The following PDK1 variants were observed in gnomAD, a reference collection of about 807,000 sequenced individuals.
PDK1 encodes the protein pyruvate dehydrogenase kinase 1, also known as [Pyruvate dehydrogenase (acetyl-transferring)] kinase isozyme 1, mitochondrial.
Under a neutral mutation model 54.2 loss-of-function variants are expected in PDK1, and 39 were observed. That is an observed-to-expected ratio of 0.72 (90% CI 0.56 to 0.94). The LOEUF (loss-of-function observed/expected upper bound fraction) is 0.94, where lower values mean the gene tolerates loss of function less well. PDK1 is among the 40% of genes least tolerant of loss of function. The pLI, the probability that PDK1 is intolerant of heterozygous loss-of-function variation, is 0.00. For synonymous variants in PDK1, 221 were observed against 207.1 expected (o/e 1.07, Z -0.58); for missense variants, 552 against 566.0 (o/e 0.98, Z 0.25).
the PDK1 span, among the ~76,000 whole-genome samples, chr2:172,710,655 T>G: frequency 9.2e-5 from 14 of 152,222 alleles, no homozygotes; most frequent in Non-Finnish European, 1.9e-4. Context: ...AATTAAGAAA[T>G]TCATGTTTTC....
At chr2:172,656,666 T>C in the PDK1 span, among the ~76,000 whole-genome samples, 2 of 152,170 alleles carry the variant, frequency 1.3e-5, no homozygotes, top group African/African-American at 4.8e-5. Context: ...CCCAGCACTT[T>C]GGGAGGCTGA....
chr2:172,686,819 C>A, the PDK1 span, among the ~76,000 whole-genome samples: 4 of 152,146 alleles, frequency 2.6e-5, no homozygotes, highest in African/African-American at 9.7e-5. Flanking sequence ...TGATCTAAAT[C>A]CATTTATGTG....
the PDK1 span, among the ~76,000 whole-genome samples, chr2:172,642,446 G>A: frequency 6.6e-6 from 1 of 152,098 alleles, no homozygotes; most frequent in Non-Finnish European, 1.5e-5. Flanking sequence ...TTTTCAAAGT[G>A]GTGTCCCCAG....
At chr2:172,699,713 A>C in the PDK1 span, among the ~76,000 whole-genome samples, 1 of 150,696 alleles carries the variant, frequency 6.6e-6, no homozygotes, top group Non-Finnish European at 1.5e-5. Flanking sequence ...CTATTTCAGA[A>C]GAACTAAATG....
chr2:172,674,810 C>G, the PDK1 span: 2 of 152,280 alleles, frequency 1.3e-5, no homozygotes, highest in Non-Finnish European at 2.9e-5. Flanking sequence ...GGGCTGCAGG[C>G]TGCCGGGCCG....
the PDK1 span, among the ~76,000 whole-genome samples, chr2:172,638,711 G>A: frequency 8.1e-5 from 12 of 148,346 alleles, no homozygotes; most frequent in African/African-American, 1.5e-4. Context: ...GTTTGTAAAC[G>A]CACCAATCAA....
At chr2:172,648,666 T>C in the PDK1 span, among the ~76,000 whole-genome samples, 2 of 152,228 alleles carry the variant, frequency 1.3e-5, no homozygotes, top group Middle Eastern at 3.4e-3. Context: ...CCTTAGCAAA[T>C]GGTGCACCAG....
chr2:172,556,102 C>T lies in PDK1; in HGVS notation c.-49C>T. ...TCCCTCACGTACCACTCGGCAGAGG[C>T]GCGGGGAAACCTGGCGTACTGGCTG... On this transcript the variant is annotated 5_prime_UTR_variant, in exon 1 of 11. Transcript: ENST00000282077. 7.6e-7 allele frequency: 1 copy of T among 1,312,210 alleles called. No homozygotes were observed. The highest frequency in any genetic ancestry group is 9.8e-7 in the Non-Finnish European group (1 of 1,021,820). 81.3% of individuals were successfully genotyped at this position (1,312,210 alleles called of 1,614,324 possible).
the PDK1 span, chr2:172,677,287 A>G: frequency 6.6e-6 from 1 of 152,170 alleles, no homozygotes; most frequent in African/African-American, 2.4e-5. Context: ...ATGGGACCGG[A>G]AAGTTCAGAG....
At chr2:172,678,539 G>T in the PDK1 span, among the ~76,000 whole-genome samples, 2 of 152,108 alleles carry the variant, frequency 1.3e-5, no homozygotes, top group Non-Finnish European at 2.9e-5. Flanking sequence ...CTTAAAAGTT[G>T]ACTTTTTAGA....
At chr2:172,721,488 C>A in the PDK1 span, among the ~76,000 whole-genome samples, 1 of 152,110 alleles carries the variant, frequency 6.6e-6, no homozygotes, top group Non-Finnish European at 1.5e-5. Flanking sequence ...CAGGCATGTG[C>A]CACCAGGCCT....
the PDK1 span, among the ~76,000 whole-genome samples, chr2:172,656,377 G>A: frequency 6.6e-6 from 1 of 152,172 alleles, no homozygotes; most frequent in Non-Finnish European, 1.5e-5. Context: ...ACAGTCCTAT[G>A]ATTAAGTCTC....
the PDK1 span, among the ~76,000 whole-genome samples, chr2:172,637,648 G>A: frequency 6.6e-6 from 1 of 152,086 alleles, no homozygotes; most frequent in African/African-American, 2.4e-5. Flanking sequence ...CTTTCATTCT[G>A]ATCTGCTCTC....
the PDK1 span, among the ~76,000 whole-genome samples, chr2:172,621,857 A>G: frequency 1.4e-5 from 2 of 141,666 alleles, no homozygotes; most frequent in Non-Finnish European, 3.1e-5. Context: ...ATACATGTTT[A>G]TATCTCATAT....
chr2:172,620,879 T>C, the PDK1 span, among the ~76,000 whole-genome samples: 1 of 152,190 alleles, frequency 6.6e-6, no homozygotes, highest in African/African-American at 2.4e-5. Flanking sequence ...CGTGAGCCAA[T>C]TACATCTCTT....
chr2:172,567,972 T>C (rs1376870346), intron 6 of PDK1, among the ~76,000 whole-genome samples: 1 of 152,240 alleles, frequency 6.6e-6, no homozygotes, highest in Non-Finnish European at 1.5e-5. Context: ...TTTATTCAGC[T>C]TTATATCCAT....
intron 1 of PDK1, 124 bp downstream of exon 1, chr2:172,556,470 T>C: frequency 3.1e-6 from 2 of 635,088 alleles, no homozygotes; most frequent in Non-Finnish European, 4.7e-6. Flanking sequence ...TCCTCAGCGT[T>C]TCCGCCCCCA....
chr2:172,670,160 C>G, the PDK1 span, among the ~76,000 whole-genome samples: 1 of 152,164 alleles, frequency 6.6e-6, no homozygotes, highest in Non-Finnish European at 1.5e-5. Flanking sequence ...TCAAGTGATT[C>G]GCCCACGTTA....
At chr2:172,687,724 A>G in the PDK1 span, among the ~76,000 whole-genome samples, 3 of 152,180 alleles carry the variant, frequency 2.0e-5, no homozygotes, top group African/African-American at 7.2e-5. Context: ...CAGCTGGGCA[A>G]GAGAATAGCA....
Sources: allele counts gnomAD v4.1 joint callset (sites outside exome capture counted in the v4.1 genomes callset), GRCh38; gene constraint gnomAD v4.1.1; transcripts MANE v1.5; gene names NCBI Gene and HGNC (gene_info 2026-07-23, HGNC 2026-07-21).